Variants in SEC61A2 observed in about 807,000 individuals in gnomAD.
SEC61A2 encodes SEC61 translocon subunit alpha 2.
Under a neutral mutation model 59.9 loss-of-function variants are expected in SEC61A2, and 28 were observed. The ratio of observed to expected loss-of-function variants is 0.47; its 90% CI spans 0.35 to 0.64. The LOEUF is 0.64. Ranked by LOEUF, SEC61A2 falls within the 30% of genes least tolerant of loss-of-function variation. The pLI is 0.01. For synonymous variants in SEC61A2, 202 were observed against 214.4 expected (o/e 0.94, Z 0.50); for missense variants, 340 against 585.9 (o/e 0.58, Z 4.33).
Position 12,164,246 on chromosome 10 carries a change from A to G in SEC61A2, c.1245-22A>G. The stretch of plus-strand genomic sequence containing the variant: ...CTGTTCCTGGTCTCTGCTGCCGCCT[A>G]ACTTGGGGTTCTGTCTCCTAGGTAC... On this transcript the variant is annotated intron_variant, in intron 11 of 11. Coordinates refer to ENST00000298428, the MANE Select transcript of SEC61A2 (RefSeq NM_018144.4). The surrounding 1 kb of genome is among the most constrained non-coding windows in gnomAD (Gnocchi z 7.3). The G allele has an allele frequency of 3.7e-6, 6 of 1,611,140 alleles. No individual in the cohort carries two copies. The highest frequency in any genetic ancestry group is 1.1e-5 in the South Asian group (1 of 90,740).
intron 3 of SEC61A2, among the ~76,000 whole-genome samples, chr10:12,137,112 C>G (rs1833907444): frequency 6.6e-6 from 1 of 151,828 alleles, no homozygotes; most frequent in South Asian, 2.1e-4. Flanking sequence ...GTCTATGTTG[C>G]CCAGGCTGGT....
intron 3 of SEC61A2, among the ~76,000 whole-genome samples, chr10:12,141,462 C>T (rs910830347): frequency 6.6e-6 from 1 of 152,106 alleles, no homozygotes; most frequent in Non-Finnish European, 1.5e-5. Context: ...AGTGCTGTAT[C>T]CTAAATATGG....
rs1490097366 is a variant in SEC61A2, at chr10:12,139,489, A to G, written c.141+3319A>G. Among the ~76,000 whole-genome samples the G allele has an allele frequency of 4.0e-5, 6 of 151,534 alleles. No individual in the cohort carries two copies. The East Asian group carries it at 7.9e-4, about 20-fold the overall frequency. On this transcript the variant is annotated intron_variant, in intron 3 of 11. Transcript: ENST00000298428. ...ACATGGAGAAACCCCGTCTCTACTA[A>G]AAGTACAAAATTGAGCTGGGCGCGG... is the stretch of plus-strand genomic sequence containing the variant.
Position 12,156,307 on chromosome 10 carries a change from T to A in SEC61A2, c.616+376T>A, listed in dbSNP as rs1362585827. Among the ~76,000 whole-genome samples, 2 of 152,234 alleles carry A rather than the reference T, an allele frequency of 1.3e-5. No homozygotes were observed. The highest frequency in any genetic ancestry group is 2.4e-5 in the African/African-American group (1 of 41,470). On this transcript the variant is annotated intron_variant, in intron 7 of 11. Transcript: ENST00000298428. This position sits in a 1 kb window ranked among gnomAD's most constrained non-coding sequence, Gnocchi z 5.2. ...AATGAAAAGACTGTTGTTCATTGAA[T>A]CCACCTGGAGCACTCCTACTCTGCT...
At chr10:12,138,539 TC>T (rs1833939450) in intron 3 of SEC61A2, among the ~76,000 whole-genome samples, 1 of 152,236 alleles carries the variant, frequency 6.6e-6, no homozygotes, top group South Asian at 2.1e-4. Flanking sequence ...TCAGTGAATC[TC>T]CACAGGCCCA....
intron 3 of SEC61A2, among the ~76,000 whole-genome samples, chr10:12,140,770 G>A (rs368119469): frequency 2.6e-5 from 4 of 151,224 alleles, no homozygotes; most frequent in African/African-American, 9.7e-5. Context: ...TAATTTTTTT[G>A]TGTGTATTTT....
intron 1 of SEC61A2, among the ~76,000 whole-genome samples, chr10:12,131,123 A>C (rs1213887393): frequency 6.6e-6 from 1 of 152,240 alleles, no homozygotes; most frequent in African/African-American, 2.4e-5. Flanking sequence ...CAGTGAATGG[A>C]GATCATGCCA....
intron 6 of SEC61A2, among the ~76,000 whole-genome samples, chr10:12,151,016 T>C (rs58950157): frequency 0.015 from 2,298 of 149,266 alleles, 76 homozygotes; most frequent in African/African-American, 0.054. Flanking sequence ...ACCTCGTGAT[T>C]CGCCCGCCTC....
At chr10:12,148,348 C>T (rs904304472) in intron 4 of SEC61A2, among the ~76,000 whole-genome samples, 1 of 149,320 alleles carries the variant, frequency 6.7e-6, no homozygotes, top group Non-Finnish European at 1.5e-5. Flanking sequence ...CGGGTTCAAG[C>T]AATTCACCTG....
intron 1 of SEC61A2, among the ~76,000 whole-genome samples, chr10:12,130,559 A>C (rs1174257919): frequency 6.6e-6 from 1 of 152,198 alleles, no homozygotes; most frequent in Non-Finnish European, 1.5e-5. Context: ...GGCAGCCAAA[A>C]GCTTTGCTTG....
intron 3 of SEC61A2, among the ~76,000 whole-genome samples, chr10:12,137,525 G>A (rs573009487): frequency 1.2e-3 from 177 of 152,084 alleles, no homozygotes; most frequent in African/African-American, 3.9e-3. Context: ...GGCTGGTCTC[G>A]AATTCCTGGG....
At chr10:12,141,312 GAGGTTT>G (rs1226230402) in intron 3 of SEC61A2, among the ~76,000 whole-genome samples, 2 of 152,164 alleles carry the variant, frequency 1.3e-5, no homozygotes, top group East Asian at 3.9e-4. Flanking sequence ...GACTTTCAGG[GAGGTTT>G]AGGTTGACCA....
chr10:12,132,270 C>T (rs558728872), intron 1 of SEC61A2, among the ~76,000 whole-genome samples: 1 of 151,006 alleles, frequency 6.6e-6, no homozygotes, highest in African/African-American at 2.4e-5. Flanking sequence ...CACTGCACTC[C>T]AGCCTGGACC....
At chr10:12,131,451 G>T (rs1208554210) in intron 1 of SEC61A2, among the ~76,000 whole-genome samples, 1 of 152,124 alleles carries the variant, frequency 6.6e-6, no homozygotes, top group African/African-American at 2.4e-5. Context: ...CAGTTCTCTG[G>T]CAGGACTTGA....
Position 12,133,392 on chromosome 10 carries a change from C to T in SEC61A2, c.75+84C>T, listed in dbSNP as rs1833809417. 9 of 672,796 alleles carry T rather than the reference C, an allele frequency of 1.3e-5. No homozygotes were observed. The South Asian group carries it at 1.6e-4, about 12-fold the overall frequency. 41.7% of individuals were successfully genotyped at this position (672,796 alleles called of 1,614,324 possible). On this transcript the variant is annotated intron_variant, in intron 2 of 11. Transcript: ENST00000298428. ...GCAAAATTCATTTCCTTACCTCAGT[C>T]CTTCTCTGTTGGTAATTGGAAAACT...
chr10:12,152,987 AGTC>A lies in SEC61A2; in HGVS notation c.463-2789_463-2787del. Among the ~76,000 whole-genome samples, 1 of 151,464 alleles carries A rather than the reference AGTC, an allele frequency of 6.6e-6. No homozygotes were observed. Among genetic ancestry groups the A allele is most frequent in the Non-Finnish European group, 1.5e-5 (1 of 67,896 alleles). On this transcript the variant is annotated intron_variant, in intron 6 of 11. Coordinates refer to ENST00000298428, the MANE Select transcript of SEC61A2 (RefSeq NM_018144.4). This position sits in a 1 kb window ranked among gnomAD's most constrained non-coding sequence, Gnocchi z 5.5. ...GGCAGGAGAATCGCTTGAACTCTGGAGTCGGAGTTTGCAGTGAGCCGAGGTCAC... is the reference window on the plus strand; with the variant it reads ...GGCAGGAGAATCGCTTGAACTCTGGAGGAGTTTGCAGTGAGCCGAGGTCAC...
chr10:12,167,787 G>C (rs1429758433), downstream of SEC61A2: 8 of 1,614,132 alleles, frequency 5.0e-6, no homozygotes, highest in African/African-American at 4.0e-5. Context: ...GGCGTCCACT[G>C]TGAGATGTTC....
Position 12,142,925 on chromosome 10 carries a change from T to A in SEC61A2, c.142-192T>A, listed in dbSNP as rs1834054043. Among the ~76,000 whole-genome samples the A allele has an allele frequency of 6.6e-6, 1 of 152,028 alleles. No individual in the cohort carries two copies. Among genetic ancestry groups the A allele is most frequent in the South Asian group, 2.1e-4 (1 of 4,830 alleles). On this transcript the variant is annotated intron_variant, in intron 3 of 11. Transcript: ENST00000298428. The surrounding 1 kb of genome is among the most constrained non-coding windows in gnomAD (Gnocchi z 5.4). ...GTTTTTAAAAAAGTATTGCAAGCAG[T>A]AAGTGAATACCTTGTAAATTAAGTG... is the stretch of plus-strand genomic sequence containing the variant.
In SEC61A2 at chr10:12,142,444, A is replaced by G; in HGVS notation, c.142-673A>G. The G allele has an allele frequency of 2.9e-6, 2 of 692,692 alleles. No homozygotes were observed. The highest frequency in any genetic ancestry group is 1.3e-4 in the South Asian group (2 of 15,262). 42.9% of individuals were successfully genotyped at this position (692,692 alleles called of 1,614,324 possible). On this transcript the variant is annotated intron_variant, in intron 3 of 11. Transcript: ENST00000298428. The surrounding 1 kb of genome is among the most constrained non-coding windows in gnomAD (Gnocchi z 5.4). ...CCATGTTATTACAGATTGAGTAAGC[A>G]TAATTTTTAGTGGCCATGTAATATT...
Sources: allele counts gnomAD v4.1 joint callset (sites outside exome capture counted in the v4.1 genomes callset), GRCh38; gene constraint gnomAD v4.1.1; non-coding constraint Gnocchi (gnomAD v3.1); transcripts MANE v1.5; gene names NCBI Gene and HGNC (gene_info 2026-07-23, HGNC 2026-07-21).